GALNT10: variants seen among roughly 807,000 people sequenced by gnomAD.
The protein encoded by GALNT10 is polypeptide N-acetylgalactosaminyltransferase 10.
A neutral mutation model predicts 75.0 loss-of-function variants in GALNT10; 41 were observed. The ratio of observed to expected loss-of-function variants is 0.55; its 90% CI spans 0.43 to 0.71. The LOEUF is 0.71. Among genes scored for constraint, GALNT10 ranks in the 30% least tolerant of loss-of-function variants. The pLI, the probability that GALNT10 is intolerant of heterozygous loss-of-function variation, is 0.00. For missense variants in GALNT10, 727 were observed against 818.5 expected (o/e 0.89, Z 1.36); for synonymous variants, 302 against 313.0 (o/e 0.96, Z 0.37).
intron 3 of GALNT10, among the ~76,000 whole-genome samples, chr5:154,324,680 G>T (rs1008115901): frequency 6.6e-6 from 1 of 151,948 alleles, no homozygotes; most frequent in African/African-American, 2.4e-5. Flanking sequence ...AAATTGCTGG[G>T]CCCCACCCTG....
In GALNT10 at chr5:154,201,790, G is replaced by A. The variant is rs192497899; in HGVS notation, c.159+10765G>A. The stretch of plus-strand genomic sequence containing the variant: ...CTAAAAATACAAAAATTAGCCGGGT[G>A]TAGTGGCGCACTCCTGTAATCCCAG... On this transcript the variant is annotated intron_variant, in intron 1 of 11. Coordinates refer to ENST00000297107, the MANE Select transcript of GALNT10 (RefSeq NM_198321.4). Among the ~76,000 whole-genome samples, 18 of 152,274 alleles carry A rather than the reference G, an allele frequency of 1.2e-4. No homozygotes were observed. In the East Asian group the frequency reaches 3.3e-3, roughly 28 times the overall value.
chr5:154,252,158 TG>T (rs1174372250), intron 1 of GALNT10, among the ~76,000 whole-genome samples: 1 of 152,162 alleles, frequency 6.6e-6, no homozygotes, highest in Non-Finnish European at 1.5e-5. Flanking sequence ...CAGTATTTTT[TG>T]CATATGCTCT....
At chr5:154,310,449 T>TTTTTG (rs1754498692) in intron 3 of GALNT10, among the ~76,000 whole-genome samples, 1 of 125,268 alleles carries the variant, frequency 8.0e-6, no homozygotes, top group African/African-American at 3.1e-5. Flanking sequence ...TTGTTTTTTT[T>TTTTTG]TTTGTTTGTT....
At chr5:154,313,818 C>G (rs1381300813) in intron 3 of GALNT10, among the ~76,000 whole-genome samples, 1 of 152,086 alleles carries the variant, frequency 6.6e-6, no homozygotes, top group Non-Finnish European at 1.5e-5. Flanking sequence ...AGGAGAAGGC[C>G]TAAGTCTGCA....
chr5:154,194,502 G>A (rs1014370179), intron 1 of GALNT10, among the ~76,000 whole-genome samples: 18 of 152,124 alleles, frequency 1.2e-4, no homozygotes, highest in Admixed American at 6.6e-4. Flanking sequence ...GAACAAATCC[G>A]GCTCCCTACA....
intron 1 of GALNT10, among the ~76,000 whole-genome samples, chr5:154,220,994 T>C (rs140391446): frequency 0.018 from 2,767 of 152,330 alleles, 46 homozygotes; most frequent in Non-Finnish European, 0.026. Context: ...AAGCCATCTG[T>C]GCCTGCAGGG....
rs190899962 is a variant in GALNT10 at position 154,303,215 on chromosome 5, G to A, written c.401+5136G>A. ...TTTCTAAGAAATTGAAACAAATGAG[G>A]TGAGCCCTATAGTTGCCCCAGCTTA... On this transcript the variant is annotated intron_variant, in intron 3 of 11. Coordinates refer to ENST00000297107, the MANE Select transcript of GALNT10 (RefSeq NM_198321.4). Among the ~76,000 whole-genome samples, 3 of 152,268 alleles carry A rather than the reference G, an allele frequency of 2.0e-5. No individual in the cohort carries two copies. The East Asian group carries it at 5.8e-4, about 29-fold the overall frequency.
intron 1 of GALNT10, among the ~76,000 whole-genome samples, chr5:154,293,613 A>ATATATATATTTTTTTTTTTTTTT: frequency 9.1e-6 from 1 of 109,354 alleles, no homozygotes; most frequent in Admixed American, 7.9e-5. Flanking sequence ...ATATATATAT[A>ATATATATATTTTTTTTTTTTTTT]TTTTTTTTTT....
Position 154,376,218 on chromosome 5 carries a change from G to A in GALNT10, c.569-59G>A. ...AGTGCAGTTCACATGTAAGGGAGGA[G>A]TCATAAGGATGACTACTAAGCAACT... On this transcript the variant is annotated intron_variant, in intron 4 of 11. Transcript: ENST00000297107. The surrounding 1 kb of genome is among the most constrained non-coding windows in gnomAD (Gnocchi z 4.1). 2 of 1,094,718 alleles carry A rather than the reference G, an allele frequency of 1.8e-6. No homozygotes were observed. The highest frequency in any genetic ancestry group is 2.8e-6 in the Non-Finnish European group (2 of 720,640). The allele number at this position is 1,094,718 out of a possible 1,614,324, so 67.8% of individuals were successfully genotyped here.
chr5:154,360,598 G>A (rs758220059), intron 4 of GALNT10, among the ~76,000 whole-genome samples: 1 of 152,110 alleles, frequency 6.6e-6, no homozygotes, highest in Non-Finnish European at 1.5e-5. Context: ...TATCTTTTCA[G>A]TGTCAAGTAT....
At chr5:154,307,362 C>T (rs1243317250) in intron 3 of GALNT10, among the ~76,000 whole-genome samples, 2 of 152,090 alleles carry the variant, frequency 1.3e-5, no homozygotes, top group African/African-American at 4.8e-5. Flanking sequence ...GTAATCCCAG[C>T]TTTGTAATCC....
chr5:154,374,731 C>G (rs897598110), intron 4 of GALNT10, among the ~76,000 whole-genome samples: 12 of 149,514 alleles, frequency 8.0e-5, no homozygotes, highest in Middle Eastern at 3.5e-3. Context: ...GGAGGGAAAG[C>G]CTTCTCTTTT....
At chr5:154,261,421 TC>T (rs1753697107) in intron 1 of GALNT10, among the ~76,000 whole-genome samples, 1 of 152,124 alleles carries the variant, frequency 6.6e-6, no homozygotes, top group Non-Finnish European at 1.5e-5. Context: ...AACCCTAAGA[TC>T]CCTTGAGTCT....
chr5:154,330,251 A>G (rs1026253974), intron 4 of GALNT10, among the ~76,000 whole-genome samples: 2 of 152,248 alleles, frequency 1.3e-5, no homozygotes, highest in African/African-American at 4.8e-5. Context: ...TTGCCTTCTA[A>G]TTCAGGAAAG....
At chr5:154,302,079 T>A (rs1003743199) in intron 3 of GALNT10, among the ~76,000 whole-genome samples, 1 of 152,258 alleles carries the variant, frequency 6.6e-6, no homozygotes, top group Non-Finnish European at 1.5e-5. Context: ...GAATCTTTCC[T>A]GCAGTTTGAC....
At chr5:154,296,889 G>A (rs897830581) in intron 2 of GALNT10, among the ~76,000 whole-genome samples, 16 of 152,192 alleles carry the variant, frequency 1.1e-4, no homozygotes, top group African/African-American at 3.6e-4. Flanking sequence ...GCAGATGACA[G>A]AGACCTGTTT....
intron 4 of GALNT10, among the ~76,000 whole-genome samples, chr5:154,359,052 C>CA (rs1199981674): frequency 6.6e-6 from 1 of 152,098 alleles, no homozygotes; most frequent in Non-Finnish European, 1.5e-5. Context: ...AAAAATATGC[C>CA]AGAGTGTGAC....
intron 1 of GALNT10, among the ~76,000 whole-genome samples, chr5:154,285,846 CTCTCATTCCTACCAGACTTT>C (rs1283237458): frequency 2.0e-4 from 31 of 152,252 alleles, no homozygotes; most frequent in African/African-American, 7.2e-4. Flanking sequence ...CCCTGTCCAC[CTCTCATTCCTACCAGACTTT>C]CCCTGCTTCT....
intron 4 of GALNT10, among the ~76,000 whole-genome samples, chr5:154,345,510 T>C (rs1755107287): frequency 6.6e-6 from 1 of 152,142 alleles, no homozygotes; most frequent in South Asian, 2.1e-4. Context: ...AGTTCAACTT[T>C]TTTTAGATTC....
Sources: allele counts gnomAD v4.1 joint callset (sites outside exome capture counted in the v4.1 genomes callset), GRCh38; gene constraint gnomAD v4.1.1; non-coding constraint Gnocchi (gnomAD v3.1); transcripts MANE v1.5; gene names NCBI Gene and HGNC (gene_info 2026-07-23, HGNC 2026-07-21).